Variants in ATP9A observed in about 807,000 individuals in gnomAD.
ATP9A encodes the protein ATPase phospholipid transporting 9A, also known as probable phospholipid-transporting ATPase IIA.
A neutral mutation model predicts 144.1 loss-of-function variants in ATP9A; 52 were observed. The ratio of observed to expected loss-of-function variants is 0.36; its 90% CI spans 0.29 to 0.45. ATP9A has a LOEUF of 0.45. Ranked by LOEUF, ATP9A falls within the 20% of genes least tolerant of loss-of-function variation. ATP9A has a pLI of 1.00. For synonymous variants in ATP9A, 582 were observed against 557.4 expected, an observed-to-expected ratio of 1.04 and a Z score of -0.62; for missense variants, 947 against 1,392.7, an observed-to-expected ratio of 0.68 and a Z score of 5.09.
intron 13 of ATP9A, among the ~76,000 whole-genome samples, chr20:51,658,900 G>C (rs868145705): frequency 7.5e-6 from 1 of 132,546 alleles, no homozygotes; most frequent in Non-Finnish European, 1.6e-5. Flanking sequence ...GGGGGGGGGG[G>C]GGGAAGGCTC....
chr20:51,666,493 C>A (rs1342982940), intron 13 of ATP9A, among the ~76,000 whole-genome samples: 1 of 151,972 alleles, frequency 6.6e-6, no homozygotes, highest in Non-Finnish European at 1.5e-5. Context: ...CCAGCCAGGC[C>A]AACATGGTGA....
In ATP9A at chr20:51,690,227, T is replaced by C. The variant is rs188100927; in HGVS notation, c.723+512A>G. On this transcript the variant is annotated intron_variant, in intron 8 of 27. Transcript: ENST00000338821. ...CAAGGTCAGGGGATCAAGACCATCCTGGCTAACACCGTGAAAACCCGTCTC... is the reference window on the plus strand; with the variant it reads ...CAAGGTCAGGGGATCAAGACCATCCCGGCTAACACCGTGAAAACCCGTCTC... Among the ~76,000 whole-genome samples, 707 of 150,206 alleles carry C rather than the reference T, an allele frequency of 4.7e-3. 3 individuals carry two copies. The highest frequency in any genetic ancestry group is 0.013 in the African/African-American group (536 of 40,834).
chr20:51,728,844 C>T (rs1225409080), intron 2 of ATP9A, among the ~76,000 whole-genome samples: 1 of 151,812 alleles, frequency 6.6e-6, no homozygotes, highest in African/African-American at 2.4e-5. Flanking sequence ...CAATATCTAA[C>T]ACTACCATTA....
intron 1 of ATP9A, among the ~76,000 whole-genome samples, chr20:51,751,978 G>A (rs1056478790): frequency 6.6e-6 from 1 of 151,936 alleles, no homozygotes; most frequent in African/African-American, 2.4e-5. Flanking sequence ...TAAGCACTGG[G>A]ATTCTCACAA....
intron 15 of ATP9A, among the ~76,000 whole-genome samples, chr20:51,631,472 C>T (rs2426322): frequency 0.44 from 66,272 of 151,974 alleles, 15,367 homozygotes; most frequent in East Asian, 0.68. Flanking sequence ...CCCAGCCCAG[C>T]TTCCTCACTA....
At chr20:51,646,461 C>T (rs2077342789) in intron 14 of ATP9A, among the ~76,000 whole-genome samples, 1 of 152,186 alleles carries the variant, frequency 6.6e-6, no homozygotes. Flanking sequence ...TCCAGCCTTT[C>T]AAAATTATAA....
rs545379808 is a variant in ATP9A, at chr20:51,692,931, C to T, written c.642+1077G>A. On this transcript the variant is annotated intron_variant, in intron 7 of 27. Transcript: ENST00000338821. ...ACATTTCTTGTTACGTCAATCCCGC[C>T]AAGACATGGAACTTTCCTCCTCCCT... Among the ~76,000 whole-genome samples the T allele has an allele frequency of 2.6e-5, 4 of 152,282 alleles. No homozygotes were observed. In the South Asian group the frequency reaches 8.3e-4, roughly 32 times the overall value.
chr20:51,729,019 T>C (rs897601761), intron 2 of ATP9A, among the ~76,000 whole-genome samples: 43 of 152,168 alleles, frequency 2.8e-4, no homozygotes, highest in Non-Finnish European at 2.9e-5. Context: ...AATGTGGAAG[T>C]GTTATGCCAC....
rs1313541027 is a variant in ATP9A at position 51,696,264 on chromosome 20, C to T, written c.496-120G>A. 9.9e-6 allele frequency: 7 copies of T among 706,728 alleles called. No individual in the cohort carries two copies. In the Admixed American group the frequency reaches 1.8e-4, roughly 18 times the overall value. The allele number at this position is 706,728 out of a possible 1,614,324, so 43.8% of individuals were successfully genotyped here. ...TGGGTTGGGGCAGGGGGGACTGAAA[C>T]TCACAGACTCTTTTACGTTTCTGCC... On this transcript the variant is annotated intron_variant, in intron 5 of 27. Coordinates refer to ENST00000338821, the MANE Select transcript of ATP9A (RefSeq NM_006045.3).
chr20:51,605,653 A>G (rs1473452609), intron 26 of ATP9A, among the ~76,000 whole-genome samples: 2 of 151,728 alleles, frequency 1.3e-5, no homozygotes, highest in Non-Finnish European at 2.9e-5. Flanking sequence ...CGTGACTCAC[A>G]CCTGTAATCA....
intron 16 of ATP9A, 57 bp from the exon 17 acceptor site, chr20:51,627,740 G>C: frequency 1.4e-6 from 2 of 1,458,548 alleles, no homozygotes; most frequent in Non-Finnish European, 1.9e-6. Context: ...GACCTCACTG[G>C]GGAAGGACCA....
Position 51,618,752 on chromosome 20 carries a change from C to G in ATP9A, c.2260G>C (p.Ala754Pro). ...GGGGCACATCGGCAGCAGACTACGG[C>G]CGGGCACTGGCAGGCCAGCTCCATG... ...EFMELACQCP[A>P]VVCCRCAPTQ... The change falls in exon 21 of 28, where the codon GCC becomes CCC. Residue 754 changes from alanine to proline, a missense_variant. Ala to Pro is a conservative substitution (Grantham distance 27, BLOSUM62 -1). Coordinates refer to ENST00000338821, the MANE Select transcript of ATP9A (RefSeq NM_006045.3). 1 of 1,609,752 alleles carries G rather than the reference C, an allele frequency of 6.2e-7. No individual in the cohort carries two copies. The highest frequency in any genetic ancestry group is 8.5e-7 in the Non-Finnish European group (1 of 1,178,140).
chr20:51,689,521 T>C (rs979627286), intron 8 of ATP9A, among the ~76,000 whole-genome samples: 2 of 150,826 alleles, frequency 1.3e-5, no homozygotes, highest in Non-Finnish European at 3.0e-5. Context: ...TAGAAACCTG[T>C]TGACCCATAT....
Position 51,674,250 on chromosome 20 carries a change from C to T in ATP9A, c.940G>A (p.Val314Ile). 1 of 1,613,886 alleles carries T rather than the reference C, an allele frequency of 6.2e-7. No homozygotes were observed. The highest frequency in any genetic ancestry group is 8.5e-7 in the Non-Finnish European group (1 of 1,179,986). Residue 314 changes from valine to isoleucine, a missense_variant, in exon 11 of 28, where the codon GTC (valine) becomes ATC (isoleucine). Val to Ile is a conservative substitution (Grantham distance 29). Transcript: ENST00000338821. Reference sequence around the variant, plus strand: ...TGAAGGGCAACCATGACCAGCGAGACCACCACCAGGGCACCAAAGAGGATC... The same window carrying T: ...TGAAGGGCAACCATGACCAGCGAGATCACCACCAGGGCACCAAAGAGGATC... ...TKILFGALVV[V>I]SLVMVALQHF...
At chr20:51,627,172 T>TA (rs5841851) in intron 17 of ATP9A, among the ~76,000 whole-genome samples, 130 of 151,752 alleles carry the variant, frequency 8.6e-4, no homozygotes, top group South Asian at 1.5e-3. Flanking sequence ...AGATGAATGT[T>TA]AAAAAAAAAT....
intron 1 of ATP9A, among the ~76,000 whole-genome samples, chr20:51,753,346 G>A (rs770011931): frequency 2.6e-5 from 4 of 152,102 alleles, no homozygotes; most frequent in Non-Finnish European, 5.9e-5. Context: ...TTGGGAGGCA[G>A]AGGCGGAGGC....
chr20:51,618,911 C>T, intron 20 of ATP9A, 43 bp downstream of exon 20: 1 of 1,609,776 alleles, frequency 6.2e-7, no homozygotes, highest in Non-Finnish European at 8.5e-7. Flanking sequence ...GGGTAAGACC[C>T]AGGCTGCTGG....
intron 19 of ATP9A, among the ~76,000 whole-genome samples, chr20:51,619,286 A>T (rs2077216424): frequency 6.6e-6 from 1 of 152,204 alleles, no homozygotes; most frequent in South Asian, 2.1e-4. Flanking sequence ...TGTACTGGCC[A>T]AGCGCAGTGG....
chr20:51,628,599 C>T (rs1782201926), intron 16 of ATP9A, among the ~76,000 whole-genome samples: 1 of 152,322 alleles, frequency 6.6e-6, no homozygotes, highest in Non-Finnish European at 1.5e-5. Flanking sequence ...AGAGGGCGGC[C>T]TCTGGCCAAC....
Sources: gnomAD v4.1 joint callset for allele counts (sites outside exome capture counted in the v4.1 genomes callset) on GRCh38, gnomAD v4.1.1 for gene constraint, MANE v1.5 for transcripts, NCBI Gene and HGNC (gene_info 2026-07-23, HGNC 2026-07-21) for gene names.